The following FRYL variants were observed in gnomAD, a reference collection of about 807,000 sequenced individuals.
FRYL encodes protein furry homolog-like.
FRYL carries 150 observed loss-of-function variants against 351.2 expected under a neutral mutation model. That is an observed-to-expected ratio of 0.43 (90% CI 0.37 to 0.49). The LOEUF is 0.49. Among genes scored for constraint, FRYL ranks in the 20% least tolerant of loss-of-function variants. The pLI is 0.00. For missense variants in FRYL, 3,036 were observed against 3,619.3 expected (o/e 0.84, Z 4.13); for synonymous variants, 1,153 against 1,257.1 (o/e 0.92, Z 1.75).
chr4:48,661,687 C>T lies in FRYL; in HGVS notation c.-81+22986G>A, dbSNP rs139088471. Among the ~76,000 whole-genome samples, 130 of 152,302 alleles carry T rather than the reference C, an allele frequency of 8.5e-4. 1 individual carries two copies. In the East Asian group the frequency reaches 0.024, roughly 28 times the overall value. ...GACAAAATCCAGCACTCAGCGATGT[C>T]ACAAATGGCAACATCCAATTGAAAT... is the stretch of plus-strand genomic sequence containing the variant. On this transcript the variant is annotated intron_variant, in intron 3 of 63. Transcript: ENST00000358350.
At chr4:48,760,179 T>C (rs1022767535) in intron 1 of FRYL, among the ~76,000 whole-genome samples, 1 of 152,058 alleles carries the variant, frequency 6.6e-6, no homozygotes, top group South Asian at 2.1e-4. Flanking sequence ...TTTTTTTTTT[T>C]GAGATGGAGT....
chr4:48,504,652 G>A (rs1413155746), intron 60 of FRYL, among the ~76,000 whole-genome samples: 1 of 152,072 alleles, frequency 6.6e-6, no homozygotes, highest in Non-Finnish European at 1.5e-5. Flanking sequence ...ACTATTTGCT[G>A]ATTTTAGATA....
At chr4:48,658,373 C>T (rs893925864) in intron 3 of FRYL, among the ~76,000 whole-genome samples, 1 of 151,980 alleles carries the variant, frequency 6.6e-6, no homozygotes, top group Non-Finnish European at 1.5e-5. Context: ...AATCCTAGAA[C>T]CTTCTACAGC....
intron 3 of FRYL, chr4:48,653,570 T>G (rs531042400): frequency 2.4e-6 from 1 of 419,894 alleles, no homozygotes; most frequent in South Asian, 2.2e-5. Flanking sequence ...TCTATCTTAC[T>G]GATTACCATT....
At chr4:48,736,619 G>A in intron 1 of FRYL, among the ~76,000 whole-genome samples, 1 of 151,976 alleles carries the variant, frequency 6.6e-6, no homozygotes, top group East Asian at 1.9e-4. Flanking sequence ...GGAGGTCCAG[G>A]CAGGCGGATC....
chr4:48,723,967 T>G (rs556679908), intron 1 of FRYL, among the ~76,000 whole-genome samples: 1 of 143,454 alleles, frequency 7.0e-6, no homozygotes, highest in Non-Finnish European at 1.5e-5. Context: ...ATAATAATAA[T>G]AACAAAAAAA....
intron 11 of FRYL, among the ~76,000 whole-genome samples, 167 bp downstream of exon 11, chr4:48,605,574 T>C (rs1746617220): frequency 6.6e-6 from 1 of 152,118 alleles, no homozygotes; most frequent in Non-Finnish European, 1.5e-5. Flanking sequence ...CATTGTATGA[T>C]CAACAAAAGG....
rs376536557 is a variant in FRYL, at chr4:48,534,661, T to A, written c.6589A>T (p.Met2197Leu). The A allele has an allele frequency of 1.9e-6, 3 of 1,571,410 alleles. No homozygotes were observed. The highest frequency in any genetic ancestry group is 1.7e-6 in the Non-Finnish European group (2 of 1,143,732). Residue 2197 changes from methionine to leucine, a missense_variant, in exon 49 of 64, where the codon ATG becomes TTG. By Grantham distance (15) the Met-to-Leu change is conservative (BLOSUM62 2). Transcript: ENST00000358350. ...AELLEKGLSSMQQSLLQIIYS... is the reference protein window; with the variant it reads ...AELLEKGLSSLQQSLLQIIYS... ...ATAATCTGTAGTAATGATTGCTGCA[T>A]ACTGGACAATCCTTTCTCTAACAGC...
chr4:48,713,383 G>A (rs957737815), intron 1 of FRYL, among the ~76,000 whole-genome samples: 7 of 152,014 alleles, frequency 4.6e-5, no homozygotes, highest in South Asian at 2.1e-4. Context: ...CCCATCTCAC[G>A]TGCAGAGACA....
At chr4:48,710,943 A>G (rs1469496305) in intron 1 of FRYL, among the ~76,000 whole-genome samples, 6 of 152,250 alleles carry the variant, frequency 3.9e-5, no homozygotes, top group Non-Finnish European at 7.3e-5. Flanking sequence ...GAAACAACCT[A>G]AATGTCATCA....
Position 48,501,617 on chromosome 4 carries a change from A to G in FRYL, c.8592+6T>C. On this transcript the variant is annotated splice_donor_region_variant and intron_variant, in intron 62 of 63. Coordinates refer to ENST00000358350, the MANE Select transcript of FRYL (RefSeq NM_015030.2). ...TTACTGATGCCTAATACAACTGAAT[A>G]TTTACCTCTGCTTCATTTTTTATCG... 3 of 1,497,214 alleles carry G rather than the reference A, an allele frequency of 2.0e-6. No homozygotes were observed. Among genetic ancestry groups the G allele is most frequent in the South Asian group, 2.3e-5 (2 of 87,574 alleles). The allele number at this position is 1,497,214 out of a possible 1,614,324, so 92.7% of individuals were successfully genotyped here.
At position 48,544,897 on chromosome 4, in the gene FRYL, C is replaced by T. The variant is rs769390304; in HGVS notation, c.5287G>A (p.Gly1763Arg). 16 of 1,600,230 alleles carry T rather than the reference C, an allele frequency of 1.0e-5. No homozygotes were observed. The highest frequency in any genetic ancestry group is 1.4e-5 in the African/African-American group (1 of 73,928). The change falls in exon 43 of 64, where the codon GGG becomes AGG. Residue 1763 changes from glycine to arginine, a missense_variant. Physicochemically the swap from Gly to Arg is moderately radical, Grantham distance 125 (BLOSUM62 -2). Transcript: ENST00000358350. ...ACATCCTCATGGTTCCAAAGGGGCCCTCTTTTTCTGAAAACAGAGAACAGA... is the reference window on the plus strand; with the variant it reads ...ACATCCTCATGGTTCCAAAGGGGCCTTCTTTTTCTGAAAACAGAGAACAGA... Reference protein sequence around the residue: ...LMEFITSRKRGPLWNHEDVSA... With the variant: ...LMEFITSRKRRPLWNHEDVSA...
chr4:48,594,600 C>T (rs1269466525), intron 15 of FRYL, among the ~76,000 whole-genome samples: 1 of 152,130 alleles, frequency 6.6e-6, no homozygotes, highest in Admixed American at 6.5e-5. Flanking sequence ...CTTACTGATA[C>T]CCTTATACTT....
intron 4 of FRYL, among the ~76,000 whole-genome samples, chr4:48,633,539 T>G (rs1258933618): frequency 6.6e-6 from 1 of 152,140 alleles, no homozygotes; most frequent in Non-Finnish European, 1.5e-5. Flanking sequence ...GAAAAATTAT[T>G]TTATCCACCT....
intron 1 of FRYL, among the ~76,000 whole-genome samples, chr4:48,711,994 T>C (rs1252820641): frequency 1.3e-5 from 2 of 152,178 alleles, no homozygotes; most frequent in Non-Finnish European, 2.9e-5. Flanking sequence ...CCAACAGACC[T>C]GCAGCTGAGG....
chr4:48,555,701 G>A (rs1043424511), intron 35 of FRYL, among the ~76,000 whole-genome samples: 8 of 152,314 alleles, frequency 5.3e-5, no homozygotes, highest in African/African-American at 1.7e-4. Flanking sequence ...CACAGTCAGA[G>A]AGGTAACGTG....
intron 1 of FRYL, among the ~76,000 whole-genome samples, chr4:48,778,208 C>G (rs1360349401): frequency 6.6e-6 from 1 of 151,974 alleles, no homozygotes; most frequent in Non-Finnish European, 1.5e-5. Flanking sequence ...TATTGGCTTC[C>G]AATTTCCCAA....
chr4:48,681,710 T>C (rs1764633912), intron 3 of FRYL, among the ~76,000 whole-genome samples: 4 of 152,096 alleles, frequency 2.6e-5, no homozygotes, highest in Admixed American at 2.6e-4. Context: ...TTACAATCAA[T>C]GATACTTATC....
intron 12 of FRYL, 81 bp from the exon 13 acceptor site, chr4:48,602,202 CTCA>C (rs1308323828): frequency 6.3e-5 from 45 of 717,266 alleles, no homozygotes; most frequent in South Asian, 5.7e-4. Context: ...TTCATTTATT[CTCA>C]TAAGCAAGGA....
Sources: gnomAD v4.1 joint callset for allele counts (sites outside exome capture counted in the v4.1 genomes callset) on GRCh38, gnomAD v4.1.1 for gene constraint, MANE v1.5 for transcripts, NCBI Gene and HGNC (gene_info 2026-07-23, HGNC 2026-07-21) for gene names.